Variants in CHN2 observed in about 807,000 individuals in gnomAD.
CHN2 encodes the protein chimerin 2, also known as beta-chimaerin.
A neutral mutation model predicts 56.3 loss-of-function variants in CHN2; 35 were observed. That is an observed-to-expected ratio of 0.62 (90% CI 0.47 to 0.82). CHN2 has a LOEUF of 0.82. Among genes scored for constraint, CHN2 ranks in the 40% least tolerant of loss-of-function variants. CHN2 has a pLI of 0.00. For missense variants in CHN2, 491 were observed against 580.5 expected, an observed-to-expected ratio of 0.85 and a Z score of 1.58; for synonymous variants, 210 against 212.8, an observed-to-expected ratio of 0.99 and a Z score of 0.12.
intron 1 of CHN2, among the ~76,000 whole-genome samples, chr7:29,238,160 G>A (rs556260007): frequency 2.0e-4 from 31 of 151,996 alleles, no homozygotes; most frequent in African/African-American, 7.5e-4. Context: ...TGGGACTACA[G>A]GCGTGTGCCA....
chr7:29,151,864 A>G lies in CHN2; in HGVS notation c.274+4904A>G, dbSNP rs1274343171. Among the ~76,000 whole-genome samples, 5 of 152,384 alleles carry G rather than the reference A, an allele frequency of 3.3e-5. No homozygotes were observed. In the East Asian group the frequency reaches 9.6e-4, roughly 29 times the overall value. ...TGACGAAATTGTATGTATAGCCATC[A>G]ACACAATGTCTGGCCCATAGCAAGC... On this transcript the variant is annotated intron_variant, in intron 2 of 6. Transcript: ENST00000439384.
chr7:29,381,082 C>T (rs1800460234), intron 3 of CHN2, among the ~76,000 whole-genome samples: 1 of 152,116 alleles, frequency 6.6e-6, no homozygotes, highest in African/African-American at 2.4e-5. Context: ...TAACATTTAT[C>T]TTCATGATTA....
chr7:29,486,698 C>G (rs1788048942), intron 7 of CHN2, among the ~76,000 whole-genome samples: 1 of 152,130 alleles, frequency 6.6e-6, no homozygotes, highest in African/African-American at 2.4e-5. Flanking sequence ...CACCCCGTTC[C>G]CATGGCACAC....
intron 2 of CHN2, among the ~76,000 whole-genome samples, chr7:29,183,732 G>C (rs531416863): frequency 6.6e-6 from 1 of 152,126 alleles, no homozygotes; most frequent in East Asian, 1.9e-4. Context: ...GAACCAATAA[G>C]AGAGATATAT....
chr7:29,198,350 A>G (rs575934658), intron 1 of CHN2, among the ~76,000 whole-genome samples: 1 of 152,352 alleles, frequency 6.6e-6, no homozygotes, highest in East Asian at 1.9e-4. Flanking sequence ...TTTCCTGAGA[A>G]TTTGCTCTCA....
chr7:29,354,871 C>T (rs1798165727), intron 2 of CHN2, among the ~76,000 whole-genome samples: 3 of 152,006 alleles, frequency 2.0e-5, no homozygotes, highest in South Asian at 4.2e-4. Context: ...CAGCTGTGGC[C>T]CATTTCAAAA....
intron 1 of CHN2, among the ~76,000 whole-genome samples, chr7:29,247,196 A>C (rs957305524): frequency 6.6e-6 from 1 of 152,178 alleles, no homozygotes; most frequent in South Asian, 2.1e-4. Context: ...TGCAGAGATA[A>C]GAGTAGGGAG....
intron 2 of CHN2, among the ~76,000 whole-genome samples, chr7:29,175,013 G>A (rs183886135): frequency 6.6e-6 from 1 of 151,914 alleles, no homozygotes; most frequent in African/African-American, 2.4e-5. Context: ...ATATGGTTTG[G>A]CTGTGTCCAC....
chr7:29,449,757 A>G (rs549931524), intron 6 of CHN2, among the ~76,000 whole-genome samples: 38 of 152,250 alleles, frequency 2.5e-4, no homozygotes, highest in Non-Finnish European at 4.8e-4. Context: ...CACTGGGCTC[A>G]GGTAAAGGCC....
intron 2 of CHN2, among the ~76,000 whole-genome samples, chr7:29,157,910 A>G (rs1794638402): frequency 6.6e-6 from 1 of 152,064 alleles, no homozygotes. Context: ...CAGTCCTTTC[A>G]TTTTACTCTT....
chr7:29,401,107 AAAT>A (rs1200376815), intron 6 of CHN2: 2 of 338,748 alleles, frequency 5.9e-6, no homozygotes, highest in African/African-American at 4.2e-5. Context: ...TCTCTACAAA[AAAT>A]ACAAAAAATC....
intron 1 of CHN2, among the ~76,000 whole-genome samples, chr7:29,324,031 G>GA (rs1030666100): frequency 1.1e-4 from 16 of 147,384 alleles, no homozygotes; most frequent in African/African-American, 2.2e-4. Context: ...CCAAAAAAAA[G>GA]AAAAAAAAAG....
At chr7:29,161,712 G>A (rs937095143) in intron 2 of CHN2, among the ~76,000 whole-genome samples, 13 of 152,220 alleles carry the variant, frequency 8.5e-5, no homozygotes, top group Admixed American at 2.0e-4. Context: ...CTTTTGCTTT[G>A]TGAAAGACCC....
intron 1 of CHN2, among the ~76,000 whole-genome samples, chr7:29,260,058 A>G (rs1338748955): frequency 6.6e-6 from 1 of 152,026 alleles, no homozygotes; most frequent in Non-Finnish European, 1.5e-5. Context: ...GCTCACTGCA[A>G]CCTCTGCCTC....
chr7:29,146,925 C>G lies in CHN2; in HGVS notation c.239C>G (p.Thr80Arg), dbSNP rs775754307. The change falls in exon 2 of 7, where the codon ACG becomes AGG. Residue 80 changes from threonine to arginine, a missense_variant. Physicochemically the swap from Thr to Arg is moderately conservative, Grantham distance 71. Coordinates refer to the CHN2 transcript ENST00000439384. ...TCCCACTGTTTAAAAAGGCAACACA[C>G]GTTCGCTGATGGTCTACATTCCAGC... The G allele has an allele frequency of 2.8e-5, 43 of 1,551,088 alleles. No individual in the cohort carries two copies. In the Admixed American group the frequency reaches 7.8e-4, roughly 28 times the overall value.
At chr7:29,235,000 G>A (rs1389884278) in intron 1 of CHN2, among the ~76,000 whole-genome samples, 1 of 152,128 alleles carries the variant, frequency 6.6e-6, no homozygotes, top group Non-Finnish European at 1.5e-5. Flanking sequence ...AGTAAGTATT[G>A]ATCTAAGGCC....
intron 2 of CHN2, among the ~76,000 whole-genome samples, chr7:29,360,900 TAA>T (rs1164388418): frequency 6.6e-6 from 1 of 152,220 alleles, no homozygotes; most frequent in Non-Finnish European, 1.5e-5. Flanking sequence ...GAAGAAAAAG[TAA>T]AACAGTCTGT....
At chr7:29,291,859 A>G (rs2128869712) in intron 1 of CHN2, among the ~76,000 whole-genome samples, 1 of 152,308 alleles carries the variant, frequency 6.6e-6, no homozygotes, top group African/African-American at 2.4e-5. Context: ...AAAAGTTAGC[A>G]CCGAATGTTT....
At chr7:29,363,475 C>A (rs1020005620) in intron 2 of CHN2, among the ~76,000 whole-genome samples, 6 of 151,922 alleles carry the variant, frequency 3.9e-5, no homozygotes, top group Non-Finnish European at 8.8e-5. Flanking sequence ...ACAGAGCAAG[C>A]CTCCATCTCA....
Sources: allele counts gnomAD v4.1 joint callset (sites outside exome capture counted in the v4.1 genomes callset), GRCh38; gene constraint gnomAD v4.1.1; transcripts MANE v1.5; gene names NCBI Gene and HGNC (gene_info 2026-07-23, HGNC 2026-07-21).